The following KATNAL1 variants were observed in gnomAD, a reference collection of about 807,000 sequenced individuals.
KATNAL1 encodes katanin catalytic subunit A1 like 1.
In KATNAL1, 32 loss-of-function variants were observed where a neutral mutation model predicts 55.2. The observed-to-expected ratio is 0.58, with a 90% CI of 0.44 to 0.78. KATNAL1 has a LOEUF of 0.78. Ranked by LOEUF, KATNAL1 falls within the 30% of genes least tolerant of loss-of-function variation. KATNAL1 has a pLI of 0.00. For synonymous variants in KATNAL1, 193 were observed against 193.6 expected (o/e 1.00, Z 0.02); for missense variants, 466 against 600.9 (o/e 0.78, Z 2.35).
intron 1 of KATNAL1, among the ~76,000 whole-genome samples, chr13:30,292,597 C>G (rs1200154948): frequency 6.6e-6 from 1 of 152,190 alleles, no homozygotes; most frequent in African/African-American, 2.4e-5. Context: ...AAGACACTAT[C>G]TCTTTCTACC....
intron 3 of KATNAL1, among the ~76,000 whole-genome samples, chr13:30,266,492 A>G (rs1185371187): frequency 1.3e-5 from 2 of 152,202 alleles, no homozygotes; most frequent in Non-Finnish European, 2.9e-5. Flanking sequence ...CAAATAAGAT[A>G]ATATTAAATT....
At chr13:30,251,921 T>C (rs1454763571) in intron 4 of KATNAL1, among the ~76,000 whole-genome samples, 1 of 152,164 alleles carries the variant, frequency 6.6e-6, no homozygotes, top group East Asian at 1.9e-4. Context: ...GCAAAGTGAT[T>C]GTTACTTACT....
Position 30,283,687 on chromosome 13 carries a change from C to G in KATNAL1, c.91G>C (p.Gly31Arg). Residue 31 changes from glycine to arginine, a missense_variant, in exon 2 of 11, where the codon GGG becomes CGG. Around this residue, in one of 3 missense-constraint regions of KATNAL1, gnomAD observed 248 missense variants for 275.5 expected, o/e 0.90. Transcript: ENST00000380615. Reference sequence around the variant, plus strand: ...TGTCTCTGAATCTGCTGCATCACCCCCTGGTAATATACCATTGATGAGTCG... The same window carrying G: ...TGTCTCTGAATCTGCTGCATCACCCGCTGGTAATATACCATTGATGAGTCG... ...NYDSSMVYYQ[G>R]VMQQIQRHCQ... is the part of the protein sequence containing the mutation. 6.2e-7 allele frequency: 1 copy of G among 1,614,044 alleles called. No individual in the cohort carries two copies. The highest frequency in any genetic ancestry group is 1.1e-5 in the South Asian group (1 of 91,070).
intron 4 of KATNAL1, 143 bp downstream of exon 4, chr13:30,255,302 CAA>C (rs1878679537): frequency 1.7e-6 from 1 of 574,548 alleles, no homozygotes; most frequent in Non-Finnish European, 2.8e-6. Context: ...CTTCAAAATA[CAA>C]AGACTACTTA....
chr13:30,234,360 C>G (rs1027988782), intron 6 of KATNAL1, among the ~76,000 whole-genome samples: 1 of 152,184 alleles, frequency 6.6e-6, no homozygotes, highest in African/African-American at 2.4e-5. Flanking sequence ...TGACTTTAGT[C>G]TTCACCAATT....
In KATNAL1 at chr13:30,274,952, C is replaced by CACAG. The variant is rs1555265663; in HGVS notation, c.323+5110_323+5111insCTGT. Among the ~76,000 whole-genome samples the CACAG allele has an allele frequency of 1.9e-3, 279 of 144,506 alleles. 1 individual carries two copies. The highest frequency in any genetic ancestry group is 6.8e-3 in the African/African-American group (254 of 37,606). The allele number at this position is 144,506 out of a possible 152,430, so 94.8% of individuals were successfully genotyped here. On this transcript the variant is annotated intron_variant, in intron 3 of 10. Transcript: ENST00000380615. The stretch of plus-strand genomic sequence containing the variant: ...ACACACACACACACACACACACACA[C>CACAG]AGGAATATTATTCAACCTTAAGAGA...
intron 3 of KATNAL1, among the ~76,000 whole-genome samples, chr13:30,261,527 C>T (rs1028605592): frequency 6.6e-5 from 10 of 151,996 alleles, no homozygotes; most frequent in Non-Finnish European, 1.3e-4. Context: ...GGAAGATCTA[C>T]CAAGCAAATG....
Position 30,232,198 on chromosome 13 carries a change from T to G in KATNAL1, c.727-726A>C, listed in dbSNP as rs374994198. On this transcript the variant is annotated intron_variant, in intron 6 of 10. Coordinates refer to ENST00000380615, the MANE Select transcript of KATNAL1 (RefSeq NM_032116.5). ...AATCCAACTCTCTAGTCTTAAAAAC[T>G]AATGGGTTCTTAAATAATTATTTTC... is the stretch of plus-strand genomic sequence containing the variant. 3.3e-5 allele frequency among the ~76,000 whole-genome samples: 5 copies of G among 152,280 alleles called. No homozygotes were observed. In the South Asian group the frequency reaches 1.0e-3, roughly 32 times the overall value.
At chr13:30,226,295 ACATT>A (rs1875462418) in intron 9 of KATNAL1, among the ~76,000 whole-genome samples, 1 of 152,226 alleles carries the variant, frequency 6.6e-6, no homozygotes, top group Non-Finnish European at 1.5e-5. Flanking sequence ...AGAATTGAAA[ACATT>A]CATCCATAAA....
chr13:30,244,354 G>A (rs1263395216), intron 4 of KATNAL1, among the ~76,000 whole-genome samples: 1 of 152,094 alleles, frequency 6.6e-6, no homozygotes, highest in African/African-American at 2.4e-5. Flanking sequence ...TTGGTTCCAA[G>A]TCTTTGCTAT....
At position 30,213,389 on chromosome 13, in the gene KATNAL1, T is replaced by C. The variant is rs11840212; in HGVS notation, c.1148-2947A>G. On this transcript the variant is annotated intron_variant, in intron 9 of 10. Coordinates refer to ENST00000380615, the MANE Select transcript of KATNAL1 (RefSeq NM_032116.5). The stretch of plus-strand genomic sequence containing the variant: ...TTCCTTCTGAAACTATTCCAATCAA[T>C]AGAAAAAGAGGGAATCCTCCCTAAC... Among the ~76,000 whole-genome samples the C allele has an allele frequency of 3.4e-3, 513 of 151,988 alleles. 4 individuals carry two copies. Among genetic ancestry groups the C allele is most frequent in the African/African-American group, 0.01 (422 of 41,422 alleles).
In KATNAL1 at chr13:30,238,876, C is replaced by G. The variant is rs557615269; in HGVS notation, c.726+1584G>C. Among the ~76,000 whole-genome samples the G allele has an allele frequency of 1.0e-3, 154 of 152,118 alleles. 1 individual carries two copies. Among genetic ancestry groups the G allele is most frequent in the African/African-American group, 3.7e-3 (152 of 41,502 alleles). ...TCACACAATGCAGGAGAAAGTGTGC[C>G]GCAGAAAGGCACATATAAACCTAAG... On this transcript the variant is annotated intron_variant, in intron 6 of 10. Coordinates refer to ENST00000380615, the MANE Select transcript of KATNAL1 (RefSeq NM_032116.5).
At chr13:30,250,923 G>C (rs992237864) in intron 4 of KATNAL1, among the ~76,000 whole-genome samples, 2 of 152,286 alleles carry the variant, frequency 1.3e-5, no homozygotes, top group Non-Finnish European at 2.9e-5. Flanking sequence ...CGGATCACGA[G>C]GTCAGGAGAT....
rs560244722 is a variant in KATNAL1 at position 30,252,407 on chromosome 13, T to C, written c.492+3040A>G. ...AATATACCAGGGACCTTAAGCAAGA[T>C]ATGTCTAACTTCTCTTATCCTCAAT... On this transcript the variant is annotated intron_variant, in intron 4 of 10. Transcript: ENST00000380615. 1.1e-3 allele frequency among the ~76,000 whole-genome samples: 161 copies of C among 152,326 alleles called. 1 individual carries two copies. The highest frequency in any genetic ancestry group is 3.7e-3 in the African/African-American group (155 of 41,572).
intron 9 of KATNAL1, among the ~76,000 whole-genome samples, chr13:30,210,952 T>C (rs1021928217): frequency 6.6e-6 from 1 of 152,164 alleles, no homozygotes; most frequent in African/African-American, 2.4e-5. Flanking sequence ...AAAAAGCTCA[T>C]TAATGTATTT....
chr13:30,281,075 A>G (rs191792615), intron 2 of KATNAL1, among the ~76,000 whole-genome samples: 18 of 146,134 alleles, frequency 1.2e-4, no homozygotes, highest in Non-Finnish European at 1.8e-4. Flanking sequence ...CGAGGCTACA[A>G]TCACGCTCCT....
intron 1 of KATNAL1, among the ~76,000 whole-genome samples, chr13:30,295,424 G>C (rs1355014639): frequency 7.9e-5 from 12 of 152,198 alleles, no homozygotes; most frequent in Non-Finnish European, 5.9e-5. Context: ...ACTAGCATTA[G>C]AAGTGGAGCT....
chr13:30,244,672 A>C, intron 4 of KATNAL1, among the ~76,000 whole-genome samples: 1 of 152,256 alleles, frequency 6.6e-6, no homozygotes, highest in Non-Finnish European at 1.5e-5. Flanking sequence ...AATAAAGAAA[A>C]GACAGAAGAA....
chr13:30,254,341 C>A (rs1221758452), intron 4 of KATNAL1, among the ~76,000 whole-genome samples: 1 of 152,138 alleles, frequency 6.6e-6, no homozygotes, highest in African/African-American at 2.4e-5. Flanking sequence ...CAAAAAGGAT[C>A]TGAAATAGAA....
Sources: allele counts gnomAD v4.1 joint callset (sites outside exome capture counted in the v4.1 genomes callset), GRCh38; gene constraint gnomAD v4.1.1; regional missense constraint gnomAD v4.1.1; transcripts MANE v1.5; gene names NCBI Gene and HGNC (gene_info 2026-07-23, HGNC 2026-07-21).